POU6F2: variants seen among roughly 807,000 people sequenced by gnomAD.
POU6F2 encodes the protein POU domain, class 6, transcription factor 2.
POU6F2 carries 31 observed loss-of-function variants against 71.3 expected under a neutral mutation model. The ratio of observed to expected loss-of-function variants is 0.43; its 90% CI spans 0.33 to 0.59. The LOEUF (loss-of-function observed/expected upper bound fraction) is 0.59. Among genes scored for constraint, POU6F2 ranks in the 20% least tolerant of loss-of-function variants. The pLI is 0.04. For synonymous variants in POU6F2, 347 were observed against 355.7 expected (o/e 0.98, Z 0.27); for missense variants, 783 against 856.8 (o/e 0.91, Z 1.07).
At chr7:39,422,170 T>TA (rs1206750374) in intron 6 of POU6F2, among the ~76,000 whole-genome samples, 1 of 152,252 alleles carries the variant, frequency 6.6e-6, no homozygotes, top group Non-Finnish European at 1.5e-5. Context: ...GTTTGCAGTT[T>TA]ATCCATAAAA....
chr7:39,178,090 C>T (rs975179118), intron 2 of POU6F2, among the ~76,000 whole-genome samples: 4 of 152,060 alleles, frequency 2.6e-5, no homozygotes, highest in Admixed American at 6.6e-5. Flanking sequence ...ACCGTCTCTA[C>T]TAAAAATACA....
At chr7:39,047,990 C>T (rs916257913) in intron 1 of POU6F2, among the ~76,000 whole-genome samples, 16 of 151,782 alleles carry the variant, frequency 1.1e-4, no homozygotes, top group Non-Finnish European at 1.9e-4. Context: ...TTTATGATGT[C>T]TTTGGCTGGC....
At chr7:39,218,474 C>G (rs1287929908) in intron 4 of POU6F2, among the ~76,000 whole-genome samples, 2 of 152,170 alleles carry the variant, frequency 1.3e-5, no homozygotes, top group Non-Finnish European at 2.9e-5. Flanking sequence ...GTAATTCTTG[C>G]AGGGTAGATT....
intron 3 of POU6F2, 90 bp from the exon 4 acceptor site, chr7:39,207,302 C>A: frequency 1.6e-6 from 2 of 1,240,122 alleles, no homozygotes; most frequent in Non-Finnish European, 2.2e-6. Flanking sequence ...CGGGAACTTT[C>A]TGACCCTACT....
At position 39,468,529 on chromosome 7, in the gene POU6F2, G is replaced by T. The variant is rs1165631993; in HGVS notation, c.*3843G>T. The T allele has an allele frequency of 6.6e-6, 1 of 151,502 alleles. No homozygotes were observed. Among genetic ancestry groups the T allele is most frequent in the Non-Finnish European group, 1.5e-5 (1 of 67,936 alleles). The allele number at this position is 151,502 out of a possible 1,614,324, so 9.4% of individuals were successfully genotyped here. On this transcript the variant is annotated 3_prime_UTR_variant, in exon 10 of 10. Transcript: ENST00000518318. ...TGTATGGTCAGTAAAGCTGCACTTT[G>T]TGTATTTCTTAACAGCTTCAGATCT...
At chr7:39,043,950 T>A (rs1223311180) in intron 1 of POU6F2, among the ~76,000 whole-genome samples, 1 of 151,844 alleles carries the variant, frequency 6.6e-6, no homozygotes, top group Non-Finnish European at 1.5e-5. Flanking sequence ...ACAAAATTAT[T>A]GGGAAATACA....
At chr7:39,013,069 C>G (rs1203228381) in intron 1 of POU6F2, 1 of 152,170 alleles carries the variant, frequency 6.6e-6, no homozygotes, top group African/African-American at 2.4e-5. Flanking sequence ...GTTCGAGCTT[C>G]CCGGCTGCTT....
chr7:39,170,820 A>G (rs1207011729), intron 2 of POU6F2, among the ~76,000 whole-genome samples: 1 of 152,068 alleles, frequency 6.6e-6, no homozygotes, highest in East Asian at 1.9e-4. Flanking sequence ...TACACATTGT[A>G]TACATGTATC....
At chr7:39,414,438 C>A (rs1787624693) in intron 6 of POU6F2, among the ~76,000 whole-genome samples, 1 of 152,184 alleles carries the variant, frequency 6.6e-6, no homozygotes, top group Non-Finnish European at 1.5e-5. Flanking sequence ...AGTGCCCAGG[C>A]AGAGGGAGAG....
At chr7:39,414,501 C>T (rs1435008404) in intron 6 of POU6F2, among the ~76,000 whole-genome samples, 7 of 152,180 alleles carry the variant, frequency 4.6e-5, no homozygotes. Context: ...CGTCCTGAGG[C>T]CTGGGACCCT....
intron 5 of POU6F2, among the ~76,000 whole-genome samples, chr7:39,360,706 G>A (rs914789603): frequency 3.9e-5 from 6 of 152,204 alleles, no homozygotes; most frequent in Non-Finnish European, 5.9e-5. Flanking sequence ...GAGGAGCCCC[G>A]AGGGCTGCTG....
chr7:39,454,652 A>G (rs1788740735), intron 8 of POU6F2, among the ~76,000 whole-genome samples: 1 of 51,058 alleles, frequency 2.0e-5, no homozygotes, highest in African/African-American at 7.7e-5. Context: ...GATGAAGACC[A>G]GGGATATATA....
At chr7:39,341,119 GT>G (rs1178872229) in intron 5 of POU6F2, among the ~76,000 whole-genome samples, 4 of 152,120 alleles carry the variant, frequency 2.6e-5, no homozygotes, top group African/African-American at 9.7e-5. Flanking sequence ...AAATAGAAAA[GT>G]ATACAAAATA....
chr7:39,114,452 G>A (rs11767080), intron 2 of POU6F2, among the ~76,000 whole-genome samples: 1 of 151,846 alleles, frequency 6.6e-6, no homozygotes, highest in Non-Finnish European at 1.5e-5. Context: ...CCTCCAGCCC[G>A]CTGCTTTTCA....
At chr7:39,439,599 C>A (rs1455204902) in intron 7 of POU6F2, among the ~76,000 whole-genome samples, 2 of 152,240 alleles carry the variant, frequency 1.3e-5, no homozygotes, top group African/African-American at 4.8e-5. Context: ...AACTGATTCT[C>A]CTGCCTCAGC....
At chr7:39,233,142 G>C (rs1332995893) in intron 4 of POU6F2, among the ~76,000 whole-genome samples, 3 of 152,076 alleles carry the variant, frequency 2.0e-5, no homozygotes, top group African/African-American at 7.2e-5. Context: ...CCAGTTGTCT[G>C]GAACCTCAGC....
At chr7:39,381,993 T>G (rs934316830) in intron 5 of POU6F2, among the ~76,000 whole-genome samples, 3 of 152,112 alleles carry the variant, frequency 2.0e-5, no homozygotes, top group Admixed American at 6.5e-5. Flanking sequence ...TAGAAATTCC[T>G]CTGTCCAGCA....
intron 4 of POU6F2, among the ~76,000 whole-genome samples, chr7:39,252,904 G>A (rs1177690673): frequency 2.6e-5 from 4 of 152,154 alleles, no homozygotes; most frequent in African/African-American, 9.7e-5. Flanking sequence ...AACACTATGC[G>A]ATAGACCATG....
chr7:39,200,140 CA>C (rs972878440), intron 2 of POU6F2, among the ~76,000 whole-genome samples: 6 of 152,196 alleles, frequency 3.9e-5, no homozygotes, highest in African/African-American at 4.8e-5. Context: ...ACACTAGCTG[CA>C]GACCCATCTG....
Sources: gnomAD v4.1 joint callset for allele counts (sites outside exome capture counted in the v4.1 genomes callset) on GRCh38, gnomAD v4.1.1 for gene constraint, MANE v1.5 for transcripts, NCBI Gene and HGNC (gene_info 2026-07-23, HGNC 2026-07-21) for gene names.